TAL1: variants seen among roughly 807,000 people sequenced by gnomAD.
TAL1 encodes the protein T-cell acute lymphocytic leukemia protein 1.
Under a neutral mutation model 17.9 loss-of-function variants are expected in TAL1, and 8 were observed. That is an observed-to-expected ratio of 0.45 (90% CI 0.26 to 0.81). The LOEUF is 0.81. TAL1 is among the 30% of genes least tolerant of loss of function. The pLI, the probability that TAL1 is intolerant of heterozygous loss-of-function variation, is 0.17. For missense variants in TAL1, 466 were observed against 486.9 expected, an observed-to-expected ratio of 0.96 and a Z score of 0.40; for synonymous variants, 223 against 218.6, an observed-to-expected ratio of 1.02 and a Z score of -0.18.
intron 1 of TAL1, 31 bp from the exon 3 acceptor site, chr1:47,225,920 C>G (rs1206808247): frequency 6.4e-7 from 1 of 1,565,914 alleles, no homozygotes; most frequent in Admixed American, 1.8e-5. Context: ...AAGCGGATGC[C>G]CGCTCTGACG....
chr1:47,216,853 G>A, exon 4 of TAL1: 1 of 231,700 alleles, frequency 4.3e-6, no homozygotes, highest in Non-Finnish European at 8.5e-6. Context: ...TTCTTGGAAT[G>A]TTGCCAGTTT....
chr1:47,231,726 T>G (rs1372096825), upstream of TAL1: 2 of 233,358 alleles, frequency 8.6e-6, no homozygotes, highest in East Asian at 6.0e-5. Context: ...CAGAAGGGCC[T>G]CGAAGGGTCC....
exon 4 of TAL1, chr1:47,219,913 C>T (rs12743600): frequency 6.7e-7 from 1 of 1,492,646 alleles, no homozygotes; most frequent in Non-Finnish European, 9.0e-7. Flanking sequence ...TCCCCCACCT[C>T]CACCCCCACC....
chr1:47,219,751 A>G, exon 4 of TAL1: 1 of 1,611,038 alleles, frequency 6.2e-7, no homozygotes, highest in Middle Eastern at 1.6e-4. Context: ...GGCGGCAGGC[A>G]GCATGGCAGG....
exon 4 of TAL1, chr1:47,217,514 T>A (rs1402569324): frequency 2.3e-5 from 9 of 398,526 alleles, no homozygotes; most frequent in Non-Finnish European, 4.0e-5. Flanking sequence ...ACCGGCCTAC[T>A]GCCTAGGTCG....
At chr1:47,231,032 A>T (rs149087653), upstream of TAL1, 10 of 154,026 alleles carry the variant, frequency 6.5e-5, no homozygotes, top group Non-Finnish European at 1.5e-4. Context: ...CGGCGGCCGC[A>T]CCCACGAAAC....
intron 2 of TAL1, among the ~76,000 whole-genome samples, chr1:47,224,876 C>T (rs1351751164): frequency 6.6e-6 from 1 of 152,212 alleles, no homozygotes; most frequent in Non-Finnish European, 1.5e-5. Context: ...CCAGAGACCA[C>T]GGCTAGGAGC....
chr1:47,217,958 A>G, exon 4 of TAL1: 1 of 393,882 alleles, frequency 2.5e-6, no homozygotes. Flanking sequence ...ACAAAGGTGA[A>G]CAATGTTGCC....
At chr1:47,219,744 G>A (rs761558592) in exon 4 of TAL1, 2 of 1,610,448 alleles carry the variant, frequency 1.2e-6, no homozygotes, top group Admixed American at 1.7e-5. Context: ...CTCCATCGGC[G>A]GCAGGCAGCA....
intron 3 of TAL1, among the ~76,000 whole-genome samples, chr1:47,221,536 C>A (rs1643807302): frequency 1.3e-5 from 2 of 152,220 alleles, no homozygotes; most frequent in South Asian, 4.1e-4. Context: ...TCTTGAACTT[C>A]TGGGCTGAGG....
chr1:47,217,538 C>T (rs541704867), exon 4 of TAL1: 97 of 398,602 alleles, frequency 2.4e-4, no homozygotes, highest in Non-Finnish European at 1.3e-4. Context: ...ACTCAGGCTG[C>T]GAAACCCCAC....
chr1:47,219,857 G>A (rs2148585249), exon 4 of TAL1: 1 of 1,596,510 alleles, frequency 6.3e-7, no homozygotes, highest in Non-Finnish European at 8.6e-7. Flanking sequence ...CTGGAGTTGG[G>A]GGAAAGCACG....
intron 3 of TAL1, 71 bp downstream of exon 4, chr1:47,223,933 G>C (rs1643870538): frequency 4.9e-6 from 7 of 1,436,508 alleles, no homozygotes; most frequent in Non-Finnish European, 6.9e-6. Context: ...AGTAGTCCCA[G>C]ATGTTCCCTC....
chr1:47,225,400 G>T, intron 2 of TAL1, 43 bp downstream of exon 3: 1 of 1,225,196 alleles, frequency 8.2e-7, no homozygotes, highest in South Asian at 4.1e-5. Context: ...TGGTCGCCCT[G>T]CCCACCCGCC....
At chr1:47,219,433 A>G in exon 4 of TAL1, 1 of 640,646 alleles carries the variant, frequency 1.6e-6, no homozygotes, top group Non-Finnish European at 2.9e-6. Context: ...TGACAACTCC[A>G]GCCTCTTACT....
chr1:47,219,528 C>A, exon 4 of TAL1: 1 of 891,874 alleles, frequency 1.1e-6, no homozygotes, highest in Non-Finnish European at 1.8e-6. Flanking sequence ...TTTTTCTGAT[C>A]TCCTACTGGT....
At chr1:47,219,007 T>C (rs1645555142) in exon 4 of TAL1, 1 of 282,026 alleles carries the variant, frequency 3.5e-6, no homozygotes, top group Non-Finnish European at 6.8e-6. Context: ...GCAGACATTG[T>C]CTCCACAGCC....
chr1:47,232,060 G>A (rs921608467), upstream of TAL1: 19 of 230,128 alleles, frequency 8.3e-5, no homozygotes, highest in Admixed American at 9.6e-4. Context: ...GGGAAAGGGA[G>A]CGAAGACCTC....
chr1:47,219,859 G>A (rs750834196), exon 4 of TAL1: 20 of 1,595,902 alleles, frequency 1.3e-5, no homozygotes, highest in African/African-American at 6.7e-5. Flanking sequence ...GGAGTTGGGG[G>A]AAAGCACGTC....
Sources: allele counts gnomAD v4.1 joint callset (sites outside exome capture counted in the v4.1 genomes callset), GRCh38; gene constraint gnomAD v4.1.1; transcripts MANE v1.5; gene names NCBI Gene and HGNC (gene_info 2026-07-23, HGNC 2026-07-21).